Variants in ZNF536 observed in about 807,000 individuals in gnomAD.
The protein encoded by ZNF536 is zinc finger protein 536.
A neutral mutation model predicts 84.5 loss-of-function variants in ZNF536; 13 were observed. The ratio of observed to expected loss-of-function variants is 0.15; its 90% CI spans 0.10 to 0.24. The LOEUF is 0.24. ZNF536 is among the 10% of genes least tolerant of loss of function. ZNF536 has a pLI of 1.00. For synonymous variants in ZNF536, 811 were observed against 742.5 expected (o/e 1.09, Z -1.50); for missense variants, 1,536 against 1,747.5 (o/e 0.88, Z 2.16).
intron 2 of ZNF536, among the ~76,000 whole-genome samples, chr19:30,286,889 C>T (rs946542468): frequency 5.3e-5 from 8 of 152,182 alleles, no homozygotes; most frequent in African/African-American, 1.9e-4. Context: ...GTACTGTTAA[C>T]ATTTCCATAT....
chr19:30,453,097 C>T (rs558504238), intron 2 of ZNF536, among the ~76,000 whole-genome samples: 7 of 152,256 alleles, frequency 4.6e-5, no homozygotes, highest in Admixed American at 1.3e-4. Context: ...GCGATGGCAA[C>T]ATTTACTTAA....
intron 2 of ZNF536, among the ~76,000 whole-genome samples, chr19:30,307,387 CAA>C (rs36015954): frequency 2.1e-5 from 3 of 141,906 alleles, no homozygotes; most frequent in African/African-American, 2.6e-5. Flanking sequence ...AGAGGACGTG[CAA>C]AAAAAAAAAA....
At chr19:30,246,205 C>T (rs1267811702) in intron 1 of ZNF536, among the ~76,000 whole-genome samples, 2 of 152,138 alleles carry the variant, frequency 1.3e-5, no homozygotes, top group Non-Finnish European at 2.9e-5. Flanking sequence ...CCTGTTGCCC[C>T]AGTGACTCCT....
chr19:30,420,664 C>CT (rs781373040), intron 1 of ZNF536, among the ~76,000 whole-genome samples: 67 of 150,772 alleles, frequency 4.4e-4, no homozygotes, highest in East Asian at 1.9e-3. Context: ...CCTAAATTCT[C>CT]TTTTTTTTTG....
downstream of ZNF536, among the ~76,000 whole-genome samples, chr19:30,559,043 A>G (rs1241353336): frequency 6.6e-6 from 1 of 152,208 alleles, no homozygotes; most frequent in Non-Finnish European, 1.5e-5. Context: ...AAACCTTTTC[A>G]AGTGACTCTG....
chr19:30,429,715 G>C (rs1000634577), intron 1 of ZNF536, among the ~76,000 whole-genome samples: 1 of 152,112 alleles, frequency 6.6e-6, no homozygotes, highest in Non-Finnish European at 1.5e-5. Context: ...TCTCTCTGCA[G>C]AGCCAGGCAC....
intron 1 of ZNF536, among the ~76,000 whole-genome samples, chr19:30,440,091 G>T (rs866736137): frequency 2.6e-5 from 4 of 151,070 alleles, no homozygotes; most frequent in African/African-American, 9.7e-5. Context: ...CTCCCGAGTA[G>T]CTGGGATTAC....
chr19:30,495,518 G>A (rs559933878), intron 2 of ZNF536, among the ~76,000 whole-genome samples: 1 of 152,324 alleles, frequency 6.6e-6, no homozygotes, highest in South Asian at 2.1e-4. Context: ...CTGGTGTTTC[G>A]AACAGAGAGA....
At position 30,557,499 on chromosome 19, in the gene ZNF536, G is replaced by GATACGGC; in HGVS notation, c.*335_*336insATACGGC. On this transcript the variant is annotated 3_prime_UTR_variant, in exon 5 of 5. Coordinates refer to ENST00000355537, the MANE Select transcript of ZNF536 (RefSeq NM_014717.3). The stretch of plus-strand genomic sequence containing the variant: ...CTGGATGACAGATCCCTTCACCTGT[G>GATACGGC]GACAACCTGGCTGGGGGTGGGGGGC... The GATACGGC allele has an allele frequency of 1.8e-5, 4 of 227,736 alleles. No individual in the cohort carries two copies. The highest frequency in any genetic ancestry group is 2.5e-4 in the South Asian group (2 of 8,130). 14.1% of individuals were successfully genotyped at this position (227,736 alleles called of 1,614,324 possible). A position where few individuals can be genotyped will look rare whatever the true frequency, so the allele number is the denominator to read the frequency against.
intron 2 of ZNF536, among the ~76,000 whole-genome samples, chr19:30,351,261 A>T (rs1003128360): frequency 6.6e-6 from 1 of 152,250 alleles, no homozygotes; most frequent in Non-Finnish European, 1.5e-5. Context: ...AATGCAGATG[A>T]CAGCAAAATA....
chr19:30,550,021 G>A (rs1004819404), intron 4 of ZNF536, among the ~76,000 whole-genome samples: 5 of 152,218 alleles, frequency 3.3e-5, no homozygotes, highest in Non-Finnish European at 5.9e-5. Context: ...GAAATAAAGC[G>A]ACCTTCTCTC....
chr19:30,523,148 C>T (rs1362982891), intron 2 of ZNF536, among the ~76,000 whole-genome samples: 6 of 152,108 alleles, frequency 3.9e-5, no homozygotes, highest in East Asian at 1.9e-4. Flanking sequence ...GGGGTTGGCG[C>T]GGGGGCACTG....
chr19:30,438,533 G>A (rs916707973), intron 1 of ZNF536, among the ~76,000 whole-genome samples: 1 of 152,148 alleles, frequency 6.6e-6, no homozygotes, highest in Non-Finnish European at 1.5e-5. Context: ...GTGGCAGGAG[G>A]CCCCTCCAGG....
intron 1 of ZNF536, among the ~76,000 whole-genome samples, chr19:30,422,359 T>C (rs920304811): frequency 3.3e-5 from 5 of 152,082 alleles, no homozygotes; most frequent in Admixed American, 2.0e-4. Flanking sequence ...TTAGCATTAA[T>C]TTTTCTAGAA....
intron 1 of ZNF536, among the ~76,000 whole-genome samples, chr19:30,425,863 G>T (rs993958971): frequency 2.6e-5 from 4 of 152,224 alleles, no homozygotes; most frequent in African/African-American, 9.6e-5. Flanking sequence ...GGACTGTGGT[G>T]GGCATGGATG....
intron 2 of ZNF536, among the ~76,000 whole-genome samples, chr19:30,295,294 C>T (rs1370019674): frequency 6.6e-6 from 1 of 150,444 alleles, no homozygotes; most frequent in Non-Finnish European, 1.5e-5. Context: ...CCAGGCCAAT[C>T]AAATCAGGAC....
intron 1 of ZNF536, among the ~76,000 whole-genome samples, chr19:30,390,694 A>G (rs1173961496): frequency 1.3e-5 from 2 of 152,208 alleles, no homozygotes; most frequent in Non-Finnish European, 2.9e-5. Context: ...AGTCCATGGC[A>G]AAGTCAGGGA....
At chr19:30,269,830 G>A (rs761113211) in intron 1 of ZNF536, among the ~76,000 whole-genome samples, 3 of 152,126 alleles carry the variant, frequency 2.0e-5, no homozygotes, top group Admixed American at 6.5e-5. Context: ...TGCCATTCCC[G>A]GAGGCAGCTG....
chr19:30,645,210 G>C (rs1474909145), intron 1 of ZNF536, among the ~76,000 whole-genome samples: 1 of 152,112 alleles, frequency 6.6e-6, no homozygotes, highest in Admixed American at 6.5e-5. Context: ...CTTTTTGATG[G>C]GGTTGTTTGT....
Sources: gnomAD v4.1 joint callset for allele counts (sites outside exome capture counted in the v4.1 genomes callset) on GRCh38, gnomAD v4.1.1 for gene constraint, MANE v1.5 for transcripts, NCBI Gene and HGNC (gene_info 2026-07-23, HGNC 2026-07-21) for gene names.